TGFB2: variants seen among roughly 807,000 people sequenced by gnomAD.
The protein encoded by TGFB2 is transforming growth factor beta-2 proprotein.
Under a neutral mutation model 42.7 loss-of-function variants are expected in TGFB2, and 13 were observed. The ratio of observed to expected loss-of-function variants is 0.30; its 90% confidence interval spans 0.20 to 0.48. TGFB2 has a LOEUF of 0.48. Ranked by LOEUF, TGFB2 falls within the 20% of genes least tolerant of loss-of-function variation. The pLI is 0.99. For synonymous variants in TGFB2, 193 were observed against 193.6 expected (o/e 1.00, Z 0.03); for missense variants, 390 against 517.5 (o/e 0.75, Z 2.39).
chr1:218,433,725 T>A (rs1659881017), intron 2 of TGFB2, among the ~76,000 whole-genome samples: 1 of 152,148 alleles, frequency 6.6e-6, no homozygotes, highest in South Asian at 2.1e-4. Flanking sequence ...ATTAAATAAG[T>A]AGGGAAGCAG....
intron 2 of TGFB2, among the ~76,000 whole-genome samples, chr1:218,425,394 A>G (rs1275888669): frequency 2.0e-5 from 3 of 151,958 alleles, no homozygotes; most frequent in Non-Finnish European, 4.4e-5. Context: ...TTTTTAGTAG[A>G]GACGGGATTT....
At chr1:218,372,923 T>G (rs1364811126) in intron 1 of TGFB2, among the ~76,000 whole-genome samples, 1 of 152,188 alleles carries the variant, frequency 6.6e-6, no homozygotes, top group Non-Finnish European at 1.5e-5. Context: ...ACGCCTGTAA[T>G]CCCAGCACTT....
At position 218,388,452 on chromosome 1, in the gene TGFB2, G is replaced by A. The variant is rs151157773; in HGVS notation, c.347-16717G>A. ...GCTCAGACAACATCTCTGAGTCTCCGCTGTGCCCACTGAGGTGGACCCGTG... is the reference window on the plus strand; with the variant it reads ...GCTCAGACAACATCTCTGAGTCTCCACTGTGCCCACTGAGGTGGACCCGTG... On this transcript the variant is annotated intron_variant, in intron 1 of 6. Transcript: ENST00000366930. Among the ~76,000 whole-genome samples the A allele has an allele frequency of 1.7e-4, 26 of 152,270 alleles. No individual in the cohort carries two copies. In the East Asian group the frequency reaches 1.7e-3, roughly 10 times the overall value.
At chr1:218,425,706 A>T (rs2102617174) in intron 2 of TGFB2, among the ~76,000 whole-genome samples, 1 of 152,138 alleles carries the variant, frequency 6.6e-6, no homozygotes, top group East Asian at 1.9e-4. Flanking sequence ...GGAGAATCTC[A>T]ACAATATGGA....
intron 2 of TGFB2, among the ~76,000 whole-genome samples, chr1:218,410,581 T>A (rs551561243): frequency 6.6e-6 from 1 of 152,238 alleles, no homozygotes; most frequent in African/African-American, 2.4e-5. Context: ...ATGGAGGGAA[T>A]ATGAGAGGGA....
At chr1:218,435,035 A>G (rs2102627469) in intron 4 of TGFB2, among the ~76,000 whole-genome samples, 1 of 152,342 alleles carries the variant, frequency 6.6e-6, no homozygotes, top group African/African-American at 2.4e-5. Context: ...GTTGGACAAA[A>G]GTCATGGAGA....
intron 2 of TGFB2, among the ~76,000 whole-genome samples, chr1:218,412,541 G>A (rs985406742): frequency 1.3e-5 from 2 of 152,178 alleles, no homozygotes; most frequent in South Asian, 2.1e-4. Flanking sequence ...TGGTGACTAC[G>A]TCTGTCCTCC....
intron 2 of TGFB2, among the ~76,000 whole-genome samples, chr1:218,432,767 G>T (rs140420852): frequency 2.0e-5 from 3 of 152,122 alleles, no homozygotes; most frequent in African/African-American, 4.8e-5. Context: ...TTGCTGGAGA[G>T]ACCAAGCCCA....
intron 1 of TGFB2, among the ~76,000 whole-genome samples, chr1:218,391,903 T>A (rs189436386): frequency 8.3e-4 from 127 of 152,278 alleles, no homozygotes; most frequent in East Asian, 5.2e-3. Context: ...AGAATTATGT[T>A]CAGATGTAAT....
At chr1:218,431,979 C>A (rs930985849) in intron 2 of TGFB2, among the ~76,000 whole-genome samples, 2 of 152,148 alleles carry the variant, frequency 1.3e-5, no homozygotes, top group African/African-American at 4.8e-5. Context: ...TGTATACGTT[C>A]CACTATCTTA....
Position 218,417,566 on chromosome 1 carries a change from AT to A in TGFB2, c.510+12235del, listed in dbSNP as rs575018611. On this transcript the variant is annotated intron_variant, in intron 2 of 6. Coordinates refer to ENST00000366930, the MANE Select transcript of TGFB2 (RefSeq NM_003238.6). ...TTTTCTGAGGTGAAATTGAAGCTGG[AT>A]GCAAAAATTTGCTTAAGTAATGAGG... 2.0e-5 allele frequency among the ~76,000 whole-genome samples: 3 copies of A among 152,370 alleles called. No homozygotes were observed. In the South Asian group the frequency reaches 6.2e-4, roughly 32 times the overall value.
At chr1:218,378,878 T>G (rs1468746222) in intron 1 of TGFB2, among the ~76,000 whole-genome samples, 2 of 151,130 alleles carry the variant, frequency 1.3e-5, no homozygotes, top group Admixed American at 1.3e-4. Flanking sequence ...GAAAGGCGGG[T>G]AATGGAAGAA....
chr1:218,381,734 A>C (rs905296491), intron 1 of TGFB2, among the ~76,000 whole-genome samples: 1 of 152,192 alleles, frequency 6.6e-6, no homozygotes, highest in Non-Finnish European at 1.5e-5. Flanking sequence ...CTAAAAGGGA[A>C]GGGGATTGAG....
At chr1:218,364,089 G>A (rs1657306948) in intron 1 of TGFB2, among the ~76,000 whole-genome samples, 1 of 152,210 alleles carries the variant, frequency 6.6e-6, no homozygotes, top group Non-Finnish European at 1.5e-5. Context: ...GAGGCCCAGG[G>A]AAGCTGAAAG....
At chr1:218,393,399 A>G (rs1658381949) in intron 1 of TGFB2, among the ~76,000 whole-genome samples, 1 of 152,244 alleles carries the variant, frequency 6.6e-6, no homozygotes. Context: ...CTAATCTATT[A>G]AAAGGTTAAG....
intron 1 of TGFB2, among the ~76,000 whole-genome samples, chr1:218,348,324 G>A (rs1656761734): frequency 6.6e-6 from 1 of 152,100 alleles, no homozygotes. Flanking sequence ...AGATAATATA[G>A]CCATCTTGGT....
At chr1:218,405,384 ACTCTCT>A (rs142802402) in intron 2 of TGFB2, 52 bp downstream of exon 2, 38 of 1,527,258 alleles carry the variant, frequency 2.5e-5, no homozygotes, top group African/African-American at 1.4e-4. Context: ...TTTTAGACAG[ACTCTCT>A]CTCTCTCTCT....
At chr1:218,357,708 G>A (rs1657085284) in intron 1 of TGFB2, among the ~76,000 whole-genome samples, 1 of 152,186 alleles carries the variant, frequency 6.6e-6, no homozygotes, top group Non-Finnish European at 1.5e-5. Context: ...TAGTTTGAAT[G>A]CATTTCCATC....
chr1:218,386,559 C>T (rs1205792526), intron 1 of TGFB2, among the ~76,000 whole-genome samples: 1 of 152,174 alleles, frequency 6.6e-6, no homozygotes, highest in East Asian at 1.9e-4. Context: ...CTGAATCAGG[C>T]TCAAGCCTGC....
Sources: gnomAD v4.1 joint callset for allele counts (sites outside exome capture counted in the v4.1 genomes callset) on GRCh38, gnomAD v4.1.1 for gene constraint, MANE v1.5 for transcripts, NCBI Gene and HGNC (gene_info 2026-07-23, HGNC 2026-07-21) for gene names.